PTPRD: variants seen among roughly 807,000 people sequenced by gnomAD.
PTPRD encodes the protein receptor-type tyrosine-protein phosphatase delta.
In PTPRD, 34 loss-of-function variants were observed where a neutral mutation model predicts 214.5. The observed-to-expected ratio is 0.16, with a 90% confidence interval of 0.12 to 0.21. The LOEUF (loss-of-function observed/expected upper bound fraction) is 0.21. Ranked by LOEUF, PTPRD falls within the 10% of genes least tolerant of loss-of-function variation. The probability of loss-of-function intolerance (pLI) is 1.00; values close to 1 mark genes in which losing one functional copy is unlikely to be tolerated. For synonymous variants in PTPRD, 1,128 were observed against 845.7 expected (o/e 1.33, Z -5.79); for missense variants, 2,545 against 2,398.7 (o/e 1.06, Z -1.27).
rs5896262 is a variant in PTPRD at position 8,832,410 on chromosome 9, CTTTTT to C, written c.-103-98469_-103-98465del. 7.8e-5 allele frequency among the ~76,000 whole-genome samples: 10 copies of C among 127,970 alleles called. 1 individual carries two copies. The highest frequency in any genetic ancestry group is 2.6e-4 in the African/African-American group (9 of 34,060). 84.0% of individuals were successfully genotyped at this position (127,970 alleles called of 152,430 possible). ...TAAAGCAAGGGGCAGCTAAAATCAT[CTTTTT>C]TTTTTTTTTTTTTTGTCAAATAACA... On this transcript the variant is annotated intron_variant, in intron 11 of 45. Transcript: ENST00000381196.
At chr9:10,445,870 C>G (rs1026895447) in intron 2 of PTPRD, among the ~76,000 whole-genome samples, 1 of 151,974 alleles carries the variant, frequency 6.6e-6, no homozygotes, top group Non-Finnish European at 1.5e-5. Context: ...AAACTAACAA[C>G]AACAAAAAGA....
chr9:10,314,258 C>T (rs1209813778), intron 3 of PTPRD, among the ~76,000 whole-genome samples: 1 of 151,652 alleles, frequency 6.6e-6, no homozygotes, highest in Non-Finnish European at 1.5e-5. Context: ...TATGATAGGA[C>T]AGGAGAAAAA....
chr9:8,657,951 T>C (rs1279140262), intron 12 of PTPRD, among the ~76,000 whole-genome samples: 2 of 152,216 alleles, frequency 1.3e-5, no homozygotes, highest in Non-Finnish European at 2.9e-5. Flanking sequence ...TATCAAATTA[T>C]TTTTTCTGGA....
At chr9:8,892,583 G>GTA (rs1319644022) in intron 11 of PTPRD, among the ~76,000 whole-genome samples, 5 of 141,744 alleles carry the variant, frequency 3.5e-5, no homozygotes, top group Non-Finnish European at 8.0e-5. Flanking sequence ...ATATATGTGT[G>GTA]TATATATATG....
chr9:9,890,986 A>C (rs1211168576), intron 5 of PTPRD, among the ~76,000 whole-genome samples: 1 of 152,150 alleles, frequency 6.6e-6, no homozygotes, highest in East Asian at 1.9e-4. Context: ...CATAGAAAAG[A>C]AAAACATGCA....
At chr9:8,763,457 T>C (rs985152209) in intron 11 of PTPRD, among the ~76,000 whole-genome samples, 1 of 151,998 alleles carries the variant, frequency 6.6e-6, no homozygotes, top group East Asian at 1.9e-4. Flanking sequence ...GAGGTTGCAG[T>C]AGCCAAGATC....
At chr9:8,946,011 A>T (rs1201496644) in intron 11 of PTPRD, among the ~76,000 whole-genome samples, 2 of 152,174 alleles carry the variant, frequency 1.3e-5, no homozygotes, top group African/African-American at 4.8e-5. Flanking sequence ...CTCCTAAGCC[A>T]TGTTACTCTT....
chr9:8,781,348 T>C (rs1256787560), intron 11 of PTPRD, among the ~76,000 whole-genome samples: 2 of 152,186 alleles, frequency 1.3e-5, no homozygotes, highest in African/African-American at 2.4e-5. Flanking sequence ...GGTATCCATA[T>C]TAATCCATTT....
chr9:8,533,201 C>G (rs901353045), intron 14 of PTPRD, among the ~76,000 whole-genome samples: 7 of 152,026 alleles, frequency 4.6e-5, no homozygotes, highest in Non-Finnish European at 2.9e-5. Flanking sequence ...CCAGGAAAAT[C>G]TGAATTGCCT....
At chr9:8,330,133 T>C (rs1331942335) in intron 44 of PTPRD, among the ~76,000 whole-genome samples, 1 of 152,068 alleles carries the variant, frequency 6.6e-6, no homozygotes, top group East Asian at 1.9e-4. Context: ...GAAAGGGAAA[T>C]CCCCTGACCC....
chr9:8,788,253 A>ATTTTT (rs776984034), intron 11 of PTPRD, among the ~76,000 whole-genome samples: 28 of 85,240 alleles, frequency 3.3e-4, no homozygotes, highest in Middle Eastern at 7.7e-3. Context: ...ATATAAGATG[A>ATTTTT]TTTTTTTTTT....
intron 10 of PTPRD, among the ~76,000 whole-genome samples, chr9:9,134,133 C>A (rs1019483124): frequency 7.8e-6 from 1 of 127,398 alleles, no homozygotes; most frequent in Non-Finnish European, 1.5e-5. Flanking sequence ...ACTGCAGTGG[C>A]GCAATCTCGG....
intron 9 of PTPRD, among the ~76,000 whole-genome samples, chr9:9,341,237 A>G (rs1365346607): frequency 6.6e-6 from 1 of 151,998 alleles, no homozygotes; most frequent in East Asian, 1.9e-4. Context: ...TCTTCCTTTC[A>G]GCTGCTCTAT....
chr9:8,747,893 G>A (rs564077915), intron 11 of PTPRD, among the ~76,000 whole-genome samples: 6 of 152,212 alleles, frequency 3.9e-5, no homozygotes, highest in South Asian at 2.1e-4. Context: ...TGCACTGCAG[G>A]CCATACATTT....
intron 2 of PTPRD, among the ~76,000 whole-genome samples, chr9:10,457,665 G>C (rs2098928551): frequency 6.6e-6 from 1 of 152,016 alleles, no homozygotes; most frequent in African/African-American, 2.4e-5. Flanking sequence ...CTTTCAGAAA[G>C]TTTCCAAAGT....
chr9:8,896,560 T>G (rs1199778008), intron 11 of PTPRD, among the ~76,000 whole-genome samples: 9 of 152,190 alleles, frequency 5.9e-5, no homozygotes, highest in Admixed American at 5.9e-4. Context: ...AACTAGTTAT[T>G]GCCACAAACA....
At chr9:9,123,469 T>C (rs773524965) in intron 10 of PTPRD, among the ~76,000 whole-genome samples, 3 of 152,232 alleles carry the variant, frequency 2.0e-5, no homozygotes, top group Non-Finnish European at 4.4e-5. Context: ...ACCAGGCTTA[T>C]TGTAGTCCAG....
chr9:8,541,477 T>C (rs2078395813), intron 14 of PTPRD, among the ~76,000 whole-genome samples: 1 of 152,174 alleles, frequency 6.6e-6, no homozygotes, highest in Non-Finnish European at 1.5e-5. Context: ...GTGACACTCC[T>C]GCCTCCACTC....
chr9:9,441,209 A>G (rs879498064), intron 8 of PTPRD, among the ~76,000 whole-genome samples: 1 of 152,194 alleles, frequency 6.6e-6, no homozygotes, highest in African/African-American at 2.4e-5. Context: ...CAGGCAGCTG[A>G]GCAACAAGCC....
Sources: allele counts gnomAD v4.1 joint callset (sites outside exome capture counted in the v4.1 genomes callset), GRCh38; gene constraint gnomAD v4.1.1; transcripts MANE v1.5; gene names NCBI Gene and HGNC (gene_info 2026-07-23, HGNC 2026-07-21).